MYO5B: variants seen among roughly 807,000 people sequenced by gnomAD.
MYO5B encodes the protein myosin VB, also known as unconventional myosin-Vb.
In MYO5B, 143 loss-of-function variants were observed where a neutral mutation model predicts 229.3. The ratio of observed to expected loss-of-function variants is 0.62; its 90% CI spans 0.54 to 0.72. The LOEUF is 0.72. Ranked by LOEUF, MYO5B falls within the 30% of genes least tolerant of loss-of-function variation. The pLI is 0.00. For synonymous variants in MYO5B, 918 were observed against 885.2 expected (o/e 1.04, Z -0.66); for missense variants, 2,321 against 2,331.0 (o/e 1.00, Z 0.09).
intron 1 of MYO5B, among the ~76,000 whole-genome samples, chr18:50,150,767 G>A (rs949395481): frequency 4.6e-5 from 7 of 152,028 alleles, no homozygotes; most frequent in African/African-American, 7.2e-5. Flanking sequence ...GCACCAGCAC[G>A]TCACATGTAT....
At chr18:49,914,822 G>A (rs2024995206) in intron 17 of MYO5B, among the ~76,000 whole-genome samples, 1 of 151,776 alleles carries the variant, frequency 6.6e-6, no homozygotes, top group Admixed American at 6.6e-5. Flanking sequence ...AGAAACGAGT[G>A]CTGTGGAGTA....
chr18:50,025,462 C>A (rs1202046414), intron 4 of MYO5B, among the ~76,000 whole-genome samples: 1 of 152,198 alleles, frequency 6.6e-6, no homozygotes, highest in Non-Finnish European at 1.5e-5. Flanking sequence ...ATTTAAGGAT[C>A]TCCTCCCATC....
intron 1 of MYO5B, among the ~76,000 whole-genome samples, chr18:50,181,925 T>C (rs1201345305): frequency 6.6e-6 from 1 of 152,202 alleles, no homozygotes; most frequent in Non-Finnish European, 1.5e-5. Context: ...AAAATGTGAT[T>C]AAATCTGATG....
chr18:49,984,616 C>T, intron 8 of MYO5B, 102 bp downstream of exon 8: 1 of 882,710 alleles, frequency 1.1e-6, no homozygotes, highest in Non-Finnish European at 1.9e-6. Context: ...CTCCCATTAG[C>T]TCCTGCAGGT....
At chr18:50,103,576 C>T (rs2031696085) in intron 1 of MYO5B, among the ~76,000 whole-genome samples, 1 of 152,122 alleles carries the variant, frequency 6.6e-6, no homozygotes, top group South Asian at 2.1e-4. Flanking sequence ...AAGTGAGGCC[C>T]TATATCTAAA....
chr18:49,957,592 C>T (rs1217673909), intron 12 of MYO5B, among the ~76,000 whole-genome samples: 1 of 149,582 alleles, frequency 6.7e-6, no homozygotes. Context: ...GCCGCAGTGA[C>T]AGCTGTGATG....
rs2023993916 is a variant in MYO5B, at chr18:49,836,882, G to A, written c.5142C>T (p.Tyr1714=). The A allele has an allele frequency of 6.2e-7, 1 of 1,613,938 alleles. No individual in the cohort carries two copies. Reference sequence around the variant, plus strand: ...GCCACTCCTCAAGCTGACTTATATTGTACCTTAGCCATAGGTAGAAAGCAA... The same window carrying A: ...GCCACTCCTCAAGCTGACTTATATTATACCTTAGCCATAGGTAGAAAGCAA... ...CSWSTGMQLR[Y]NISQLEEWLR... The change falls in exon 38 of 40, where the codon TAC becomes TAT. Residue 1714 remains tyrosine, a synonymous_variant. Coordinates refer to ENST00000285039, the MANE Select transcript of MYO5B (RefSeq NM_001080467.3).
intron 31 of MYO5B, 140 bp downstream of exon 31, chr18:49,853,309 C>G: frequency 1.2e-6 from 1 of 848,282 alleles, no homozygotes; most frequent in Non-Finnish European, 1.9e-6. Flanking sequence ...GGGTCTTGAC[C>G]GGAGACTTCT....
intron 1 of MYO5B, among the ~76,000 whole-genome samples, chr18:50,150,752 G>T (rs915413648): frequency 1.3e-5 from 2 of 152,092 alleles, no homozygotes; most frequent in Non-Finnish European, 2.9e-5. Flanking sequence ...GTTAGTGGGT[G>T]CAGTGCACCA....
At chr18:50,034,639 G>A (rs894682444) in intron 4 of MYO5B, among the ~76,000 whole-genome samples, 1 of 152,118 alleles carries the variant, frequency 6.6e-6, no homozygotes, top group African/African-American at 2.4e-5. Context: ...AGTTACTCAG[G>A]AGGCTGAGGC....
intron 27 of MYO5B, among the ~76,000 whole-genome samples, chr18:49,868,808 C>A (rs2024426122): frequency 6.6e-6 from 1 of 152,196 alleles, no homozygotes; most frequent in Non-Finnish European, 1.5e-5. Flanking sequence ...GAGTGACTGG[C>A]CCTGAGAACC....
chr18:50,125,875 ATG>A (rs2032153965), intron 1 of MYO5B, among the ~76,000 whole-genome samples: 2 of 152,234 alleles, frequency 1.3e-5, no homozygotes, highest in African/African-American at 4.8e-5. Context: ...AACCTTCAGG[ATG>A]CTATGCTAAG....
intron 31 of MYO5B, among the ~76,000 whole-genome samples, chr18:49,852,363 C>A (rs1345368335): frequency 1.3e-5 from 2 of 152,182 alleles, no homozygotes; most frequent in Non-Finnish European, 2.9e-5. Context: ...TGGTGCATTT[C>A]TTTTCATAAA....
intron 1 of MYO5B, among the ~76,000 whole-genome samples, chr18:50,067,299 T>A (rs1307488250): frequency 6.6e-6 from 1 of 152,164 alleles, no homozygotes; most frequent in African/African-American, 2.4e-5. Flanking sequence ...TATTTCCTGT[T>A]CTATCTGTAC....
At chr18:49,964,894 C>G (rs563099392) in intron 10 of MYO5B, among the ~76,000 whole-genome samples, 10 of 152,286 alleles carry the variant, frequency 6.6e-5, no homozygotes, top group African/African-American at 2.2e-4. Flanking sequence ...TGATATGCAG[C>G]GTAGTGGGCA....
chr18:49,935,971 T>C (rs1444944317), intron 16 of MYO5B, among the ~76,000 whole-genome samples: 1 of 152,240 alleles, frequency 6.6e-6, no homozygotes, highest in Non-Finnish European at 1.5e-5. Context: ...GATGTACTCA[T>C]GGCTACATTT....
At chr18:50,087,747 C>T (rs2031362576) in intron 1 of MYO5B, among the ~76,000 whole-genome samples, 1 of 151,952 alleles carries the variant, frequency 6.6e-6, no homozygotes, top group Non-Finnish European at 1.5e-5. Context: ...GTCATGAAGC[C>T]CAGAGCGTTC....
chr18:49,911,390 T>TAAC (rs140787818), intron 18 of MYO5B, among the ~76,000 whole-genome samples: 2,139 of 152,338 alleles, frequency 0.014, 44 homozygotes, highest in African/African-American at 0.049. Flanking sequence ...GAAGTTTGCA[T>TAAC]AACTTTGGTA....
intron 1 of MYO5B, among the ~76,000 whole-genome samples, chr18:50,065,605 C>T (rs1042603443): frequency 9.9e-5 from 15 of 152,268 alleles, no homozygotes; most frequent in Admixed American, 9.1e-4. Context: ...CCTACCAGGT[C>T]CCTCCCTTGA....
Sources: allele counts gnomAD v4.1 joint callset (sites outside exome capture counted in the v4.1 genomes callset), GRCh38; gene constraint gnomAD v4.1.1; transcripts MANE v1.5; gene names NCBI Gene and HGNC (gene_info 2026-07-23, HGNC 2026-07-21).